The following ATP1A1 variants were observed in gnomAD, a reference collection of about 807,000 sequenced individuals.
ATP1A1 encodes ATPase Na+/K+ transporting subunit alpha 1.
Under a neutral mutation model 114.8 loss-of-function variants are expected in ATP1A1, and 14 were observed. That is an observed-to-expected ratio of 0.12 (90% CI 0.08 to 0.19). The LOEUF is 0.19. ATP1A1 is among the 10% of genes least tolerant of loss of function. The probability of loss-of-function intolerance (pLI) is 1.00; values close to 1 mark genes in which losing one functional copy is unlikely to be tolerated. For missense variants in ATP1A1, 524 were observed against 1,290.7 expected (o/e 0.41, Z 9.10); for synonymous variants, 471 against 466.3 (o/e 1.01, Z -0.13).
chr1:116,387,623 G>A lies in ATP1A1; in HGVS notation c.387+132G>A. The A allele has an allele frequency of 3.9e-6, 4 of 1,035,530 alleles. No homozygotes were observed. The highest frequency in any genetic ancestry group is 5.5e-6 in the Non-Finnish European group (4 of 721,384). The allele number at this position is 1,035,530 out of a possible 1,614,324, so 64.1% of individuals were successfully genotyped here. ...ACTCATTACTTAATGGTTATGAACA[G>A]CTGTTGCCTTCAAGGCTCATCCATT... On this transcript the variant is annotated intron_variant, in intron 4 of 22. Transcript: ENST00000295598. The surrounding 1 kb of genome is among the most constrained non-coding windows in gnomAD (Gnocchi z 6.7).
intron 1 of ATP1A1, 92 bp from the exon 2 acceptor site, chr1:116,383,922 C>G: frequency 9.2e-7 from 1 of 1,081,396 alleles, no homozygotes; most frequent in Non-Finnish European, 1.4e-6. Context: ...TTATGACTAC[C>G]TTAAAAACTA....
chr1:116,379,058 T>C (rs964672011), intron 1 of ATP1A1, among the ~76,000 whole-genome samples: 2 of 152,190 alleles, frequency 1.3e-5, no homozygotes, highest in African/African-American at 4.8e-5. Flanking sequence ...TTTTAGAATT[T>C]TTATTTTTTG....
rs1570956669 is a variant in ATP1A1, at chr1:116,389,350, T to C, written c.755-89T>C. ...TGCTTTTATCAACTCTTTTTGTTTTTTTAGTCATCCTATGTAATTGTGTAA... is the reference window on the plus strand; with the variant it reads ...TGCTTTTATCAACTCTTTTTGTTTTCTTAGTCATCCTATGTAATTGTGTAA... On this transcript the variant is annotated intron_variant, in intron 7 of 22. Coordinates refer to ENST00000295598, the MANE Select transcript of ATP1A1 (RefSeq NM_000701.8). The surrounding 1 kb of genome is among the most constrained non-coding windows in gnomAD (Gnocchi z 6.9). 2.0e-6 allele frequency: 3 copies of C among 1,523,202 alleles called. No individual in the cohort carries two copies. The highest frequency in any genetic ancestry group is 2.7e-6 in the Non-Finnish European group (3 of 1,128,864). The allele number at this position is 1,523,202 out of a possible 1,614,324, so 94.4% of individuals were successfully genotyped here. A position where few individuals can be genotyped will look rare whatever the true frequency, so the allele number is the denominator to read the frequency against.
intron 14 of ATP1A1, among the ~76,000 whole-genome samples, chr1:116,396,957 T>TATGG (rs1652981335): frequency 6.6e-6 from 1 of 152,338 alleles, no homozygotes; most frequent in African/African-American, 2.4e-5. Flanking sequence ...AAGAGCTTGA[T>TATGG]ATGGTGACCT....
At chr1:116,386,298 A>AT (rs1246373143) in intron 3 of ATP1A1, among the ~76,000 whole-genome samples, 1 of 152,184 alleles carries the variant, frequency 6.6e-6, no homozygotes, top group East Asian at 1.9e-4. Flanking sequence ...GCCACTTCAC[A>AT]TCTCACTTAA....
chr1:116,399,009 G>A lies in ATP1A1; in HGVS notation c.2373G>A (p.Leu791=), dbSNP rs1653169898. 2 of 1,614,190 alleles carry A rather than the reference G, an allele frequency of 1.2e-6. No individual in the cohort carries two copies. Among genetic ancestry groups the A allele is most frequent in the East Asian group, 2.2e-5 (1 of 44,890 alleles). ...TSNIPEITPF[L]IFIIANIPLP... is the part of the protein sequence containing the mutation. ...ACATTCCCGAGATCACCCCGTTCCT[G>A]ATATTTATTATTGCAAACATTCCAC... is the stretch of plus-strand genomic sequence containing the variant. The change falls in exon 17 of 23, where the codon CTG becomes CTA. Residue 791 remains leucine, a synonymous_variant. Transcript: ENST00000295598. This position sits in a 1 kb window ranked among gnomAD's most constrained non-coding sequence, Gnocchi z 5.0.
rs931514615 is a variant in ATP1A1, at chr1:116,377,121, A to T, written c.12+3598A>T. ...TTGAAGGATTTTGTATGGTAAAGTA[A>T]AATTGGTTTCTTCACTTAAAAACAA... On this transcript the variant is annotated intron_variant, in intron 1 of 22. Transcript: ENST00000295598. 2.0e-5 allele frequency among the ~76,000 whole-genome samples: 3 copies of T among 152,236 alleles called. No individual in the cohort carries two copies. The East Asian group carries it at 5.8e-4, about 29-fold the overall frequency.
In ATP1A1 at chr1:116,393,626, C is replaced by T; in HGVS notation, c.1563C>T (p.Ile521=). The part of the protein sequence containing the change: ...PERILDRCSS[I]LLHGKEQPLD... The stretch of plus-strand genomic sequence containing the variant: ...GGATCCTAGACCGTTGCAGCTCTAT[C>T]CTCCTCCACGGCAAGGAGCAGCCCC... Residue 521 remains isoleucine (I), a synonymous_variant, in exon 12 of 23, where the codon ATC becomes ATT. Transcript: ENST00000295598. The surrounding 1 kb of genome is among the most constrained non-coding windows in gnomAD (Gnocchi z 5.0). 6.2e-7 allele frequency: 1 copy of T among 1,614,202 alleles called. No individual in the cohort carries two copies.
chr1:116,401,350 A>C lies in ATP1A1; in HGVS notation c.2849+90A>C. On this transcript the variant is annotated intron_variant, in intron 20 of 22. Coordinates refer to ENST00000295598, the MANE Select transcript of ATP1A1 (RefSeq NM_000701.8). The surrounding 1 kb of genome is among the most constrained non-coding windows in gnomAD (Gnocchi z 4.7). ...TTGCCAAAAACTAAACATATGACAC[A>C]TATAGCCAGGTTTCTGGAATCTCTA... The C allele has an allele frequency of 6.3e-7, 1 of 1,584,212 alleles. No homozygotes were observed. Among genetic ancestry groups the C allele is most frequent in the South Asian group, 1.1e-5 (1 of 88,394 alleles).
chr1:116,399,406 C>T lies in ATP1A1; in HGVS notation c.2449-14C>T. The T allele has an allele frequency of 6.2e-7, 1 of 1,613,392 alleles. No homozygotes were observed. The highest frequency in any genetic ancestry group is 8.5e-7 in the Non-Finnish European group (1 of 1,179,706). ...TTTTTAGTAACTAAATTCCTTCTCCCCACCCCTTCCCAGGTTCCTGCCATC... is the reference window on the plus strand; with the variant it reads ...TTTTTAGTAACTAAATTCCTTCTCCTCACCCCTTCCCAGGTTCCTGCCATC... On this transcript the variant is annotated splice_polypyrimidine_tract_variant and intron_variant, in intron 17 of 22. Coordinates refer to ENST00000295598, the MANE Select transcript of ATP1A1 (RefSeq NM_000701.8). This position sits in a 1 kb window ranked among gnomAD's most constrained non-coding sequence, Gnocchi z 5.0.
chr1:116,383,376 TA>T, intron 1 of ATP1A1: 1 of 1,027,426 alleles, frequency 9.7e-7, no homozygotes, highest in South Asian at 2.9e-5. Context: ...ATTTGATATG[TA>T]ATAATGTCTT....
Position 116,401,389 on chromosome 1 carries a change from AT to A in ATP1A1, c.2849+132del. 6.6e-7 allele frequency: 1 copy of A among 1,510,844 alleles called. No homozygotes were observed. 93.6% of individuals were successfully genotyped at this position (1,510,844 alleles called of 1,614,324 possible). A position where few individuals can be genotyped will look rare whatever the true frequency, so the allele number is the denominator to read the frequency against. On this transcript the variant is annotated intron_variant, in intron 20 of 22. Coordinates refer to ENST00000295598, the MANE Select transcript of ATP1A1 (RefSeq NM_000701.8). The surrounding 1 kb of genome is among the most constrained non-coding windows in gnomAD (Gnocchi z 4.7). ...CTGGAATCTCTAGTTTATAGAGCAA[AT>A]TTAGGAAGCAAGAAATGTAGCTTTC...
chr1:116,402,904 C>T (rs1421875870), intron 21 of ATP1A1, among the ~76,000 whole-genome samples: 2 of 152,212 alleles, frequency 1.3e-5, no homozygotes, highest in Non-Finnish European at 2.9e-5. Context: ...CTCTGTGCAT[C>T]CCCAGCTCCC....
intron 13 of ATP1A1, among the ~76,000 whole-genome samples, chr1:116,396,006 G>A (rs565512427): frequency 1.2e-4 from 19 of 152,136 alleles, no homozygotes; most frequent in Non-Finnish European, 2.5e-4. Flanking sequence ...GCCCACCTCA[G>A]CCTCCCAAAG....
Position 116,395,421 on chromosome 1 carries a change from T to C in ATP1A1, c.1836+136T>C. The stretch of plus-strand genomic sequence containing the variant: ...TATTAATTTCTCATCTCCAAAGCTT[T>C]ACTTCCACCCAGAAAAGACCAGATA... On this transcript the variant is annotated intron_variant, in intron 13 of 22. Transcript: ENST00000295598. The surrounding 1 kb of genome is among the most constrained non-coding windows in gnomAD (Gnocchi z 6.4). 3 of 966,584 alleles carry C rather than the reference T, an allele frequency of 3.1e-6. No individual in the cohort carries two copies. In the African/African-American group the frequency reaches 5.1e-5, roughly 16 times the overall value. The allele number at this position is 966,584 out of a possible 1,614,324, so 59.9% of individuals were successfully genotyped here.
At chr1:116,376,292 T>A (rs1011609487) in intron 1 of ATP1A1, among the ~76,000 whole-genome samples, 1 of 152,188 alleles carries the variant, frequency 6.6e-6, no homozygotes, top group Admixed American at 6.5e-5. Flanking sequence ...GCAGGGGGGA[T>A]GCACATGTCA....
rs1315984510 is a variant in ATP1A1 at position 116,395,300 on chromosome 1, C to A, written c.1836+15C>A. On this transcript the variant is annotated intron_variant, in intron 13 of 22. Coordinates refer to ENST00000295598, the MANE Select transcript of ATP1A1 (RefSeq NM_000701.8). This position sits in a 1 kb window ranked among gnomAD's most constrained non-coding sequence, Gnocchi z 6.4. The stretch of plus-strand genomic sequence containing the variant: ...CTGGAATTAAGGTAGTGCCCAGGCG[C>A]CTCCTTGGCTTCATCTCTTAGTGCC... The A allele has an allele frequency of 5.0e-6, 8 of 1,612,556 alleles. No individual in the cohort carries two copies. The highest frequency in any genetic ancestry group is 6.8e-6 in the Non-Finnish European group (8 of 1,179,458).
chr1:116,400,550 T>C (rs1653367653), intron 18 of ATP1A1, among the ~76,000 whole-genome samples: 1 of 152,134 alleles, frequency 6.6e-6, no homozygotes, highest in African/African-American at 2.4e-5. Context: ...CCCCTAAAGG[T>C]CATACCCTTA....
chr1:116,393,635 C>T lies in ATP1A1; in HGVS notation c.1572C>T (p.His524=), dbSNP rs143049236. 2.0e-4 allele frequency: 319 copies of T among 1,614,174 alleles called. No individual in the cohort carries two copies. Among genetic ancestry groups the T allele is most frequent in the Non-Finnish European group, 2.5e-4 (300 of 1,180,012 alleles). The change falls in exon 12 of 23, where the codon CAC becomes CAT. Residue 524 remains histidine (H), a synonymous_variant. Transcript: ENST00000295598. The surrounding 1 kb of genome is among the most constrained non-coding windows in gnomAD (Gnocchi z 5.0). ...ACCGTTGCAGCTCTATCCTCCTCCA[C>T]GGCAAGGAGCAGCCCCTGGATGAGG... The part of the protein sequence containing the change: ...ILDRCSSILL[H]GKEQPLDEEL...
Sources: allele counts gnomAD v4.1 joint callset (sites outside exome capture counted in the v4.1 genomes callset), GRCh38; gene constraint gnomAD v4.1.1; non-coding constraint Gnocchi (gnomAD v3.1); transcripts MANE v1.5; gene names NCBI Gene and HGNC (gene_info 2026-07-23, HGNC 2026-07-21).